CTNNA3: variants seen among roughly 807,000 people sequenced by gnomAD.
CTNNA3 encodes the protein catenin alpha 3, also known as catenin alpha-3.
CTNNA3 carries 76 observed loss-of-function variants against 95.7 expected under a neutral mutation model. The ratio of observed to expected loss-of-function variants is 0.79; its 90% CI spans 0.66 to 0.96. The LOEUF is 0.96. Ranked by LOEUF, CTNNA3 falls within the 40% of genes least tolerant of loss-of-function variation. CTNNA3 has a pLI of 0.00. For synonymous variants in CTNNA3, 431 were observed against 374.4 expected (o/e 1.15, Z -1.74); for missense variants, 1,191 against 1,089.8 (o/e 1.09, Z -1.31).
At chr10:66,199,721 C>T (rs553981837) in intron 13 of CTNNA3, among the ~76,000 whole-genome samples, 9 of 133,204 alleles carry the variant, frequency 6.8e-5, no homozygotes, top group African/African-American at 2.4e-4. Flanking sequence ...CCTGCCTCAG[C>T]CTCCTGATTA....
intron 7 of CTNNA3, among the ~76,000 whole-genome samples, chr10:66,950,455 A>T (rs2132718283): frequency 6.6e-6 from 1 of 152,234 alleles, no homozygotes. Context: ...TGAATACATG[A>T]ATGTCACACT....
chr10:66,368,546 T>C (rs117675576), intron 12 of CTNNA3, among the ~76,000 whole-genome samples: 5,474 of 152,246 alleles, frequency 0.036, 127 homozygotes, highest in Non-Finnish European at 0.05. Flanking sequence ...AGTTTACTCT[T>C]GTGTTAGCTT....
intron 7 of CTNNA3, among the ~76,000 whole-genome samples, chr10:67,052,880 G>A (rs893459442): frequency 1.3e-4 from 20 of 151,958 alleles, no homozygotes; most frequent in African/African-American, 3.9e-4. Flanking sequence ...TGTAAGTTTC[G>A]TAAATTCTAA....
intron 10 of CTNNA3, among the ~76,000 whole-genome samples, chr10:66,597,483 C>T (rs1354209665): frequency 2.4e-5 from 3 of 126,302 alleles, no homozygotes; most frequent in Non-Finnish European, 4.8e-5. Flanking sequence ...TAAAGGTCAG[C>T]CTGGTCAACA....
intron 7 of CTNNA3, among the ~76,000 whole-genome samples, chr10:66,972,294 A>T (rs895429627): frequency 2.6e-5 from 4 of 152,138 alleles, no homozygotes; most frequent in Admixed American, 1.3e-4. Flanking sequence ...TAATCAGCTC[A>T]AAATTTATTA....
At chr10:67,003,408 G>A (rs1205091591) in intron 7 of CTNNA3, among the ~76,000 whole-genome samples, 3 of 152,074 alleles carry the variant, frequency 2.0e-5, no homozygotes, top group African/African-American at 7.2e-5. Flanking sequence ...CCCATAGTAT[G>A]TTCCAAGTAT....
At chr10:66,360,212 A>C (rs1229826862) in intron 12 of CTNNA3, among the ~76,000 whole-genome samples, 2 of 151,322 alleles carry the variant, frequency 1.3e-5, no homozygotes, top group South Asian at 2.1e-4. Context: ...TTTTTTTTAA[A>C]CTCAGTCAAT....
intron 10 of CTNNA3, among the ~76,000 whole-genome samples, chr10:66,533,018 G>C (rs1274236906): frequency 6.6e-6 from 1 of 152,028 alleles, no homozygotes. Context: ...TGACAACTGA[G>C]GTAGCTTTAG....
At chr10:66,376,940 T>G (rs905139839) in intron 12 of CTNNA3, among the ~76,000 whole-genome samples, 1 of 152,150 alleles carries the variant, frequency 6.6e-6, no homozygotes, top group Non-Finnish European at 1.5e-5. Context: ...GATAGAGTAG[T>G]GGGAAGTATC....
At chr10:67,683,703 A>G (rs10823077) in intron 1 of CTNNA3, among the ~76,000 whole-genome samples, 35,852 of 152,038 alleles carry the variant, frequency 0.24, 5,046 homozygotes, top group East Asian at 0.51. Flanking sequence ...ACGAAGCCAC[A>G]GACACTCGTG....
intron 11 of CTNNA3, among the ~76,000 whole-genome samples, chr10:66,388,087 A>T (rs1443885943): frequency 1.3e-5 from 2 of 152,182 alleles, no homozygotes; most frequent in African/African-American, 4.8e-5. Flanking sequence ...TAGAAATTAA[A>T]GTATAGTAGT....
At chr10:66,227,225 T>C (rs2089342322) in intron 13 of CTNNA3, among the ~76,000 whole-genome samples, 1 of 152,136 alleles carries the variant, frequency 6.6e-6, no homozygotes, top group Non-Finnish European at 1.5e-5. Context: ...CTATGTTAAA[T>C]AAGAGTGGTG....
chr10:67,546,616 C>T (rs552317496), intron 3 of CTNNA3, among the ~76,000 whole-genome samples: 1 of 152,212 alleles, frequency 6.6e-6, no homozygotes, highest in African/African-American at 2.4e-5. Context: ...GGATTTATAA[C>T]TTAAATAAAT....
chr10:67,717,409 T>G (rs1233661990), intron 1 of CTNNA3, among the ~76,000 whole-genome samples: 1 of 152,206 alleles, frequency 6.6e-6, no homozygotes, highest in Non-Finnish European at 1.5e-5. Context: ...ATGTCCTGAA[T>G]GGTATTGCCT....
intron 6 of CTNNA3, among the ~76,000 whole-genome samples, chr10:67,197,690 C>T (rs1351563225): frequency 6.6e-6 from 1 of 152,036 alleles, no homozygotes; most frequent in Non-Finnish European, 1.5e-5. Flanking sequence ...AAATTACAAC[C>T]AACTAAAGAT....
chr10:67,319,871 G>C lies in CTNNA3; in HGVS notation c.580-100001C>G, dbSNP rs537082852. Among the ~76,000 whole-genome samples, 330 of 148,542 alleles carry C rather than the reference G, an allele frequency of 2.2e-3. 3 individuals carry two copies. Among genetic ancestry groups the C allele is most frequent in the African/African-American group, 7.9e-3 (315 of 39,958 alleles). ...AGACTGCTCCACTGCACTCCAGCCTGGGTGACAAGAGCGAGACTCAGTCTC... is the reference window on the plus strand; with the variant it reads ...AGACTGCTCCACTGCACTCCAGCCTCGGTGACAAGAGCGAGACTCAGTCTC... On this transcript the variant is annotated intron_variant, in intron 5 of 17. Transcript: ENST00000433211.
rs1429980880 is a variant in CTNNA3 at position 67,235,683 on chromosome 10, G to A, written c.580-15813C>T. Among the ~76,000 whole-genome samples, 3 of 142,656 alleles carry A rather than the reference G, an allele frequency of 2.1e-5. 1 individual carries two copies. Among genetic ancestry groups the A allele is most frequent in the Non-Finnish European group, 4.6e-5 (3 of 65,720 alleles). The allele number at this position is 142,656 out of a possible 152,430, so 93.6% of individuals were successfully genotyped here. On this transcript the variant is annotated intron_variant, in intron 5 of 17. Transcript: ENST00000433211. ...ACAAATGGGATCTAATTAAACTAAAGAGCTTCTGCACAGCAAAAGAAACTA... is the reference window on the plus strand; with the variant it reads ...ACAAATGGGATCTAATTAAACTAAAAAGCTTCTGCACAGCAAAAGAAACTA...
chr10:66,918,450 C>T (rs1846607490), intron 7 of CTNNA3, among the ~76,000 whole-genome samples: 1 of 152,086 alleles, frequency 6.6e-6, no homozygotes, highest in Non-Finnish European at 1.5e-5. Context: ...TGAATAGATG[C>T]CCCAAATATC....
chr10:67,462,395 C>T (rs928496738), intron 5 of CTNNA3, among the ~76,000 whole-genome samples: 23 of 152,166 alleles, frequency 1.5e-4, no homozygotes, highest in African/African-American at 5.3e-4. Context: ...AAAACACTCA[C>T]AGTTATCTGA....
Sources: allele counts gnomAD v4.1 joint callset (sites outside exome capture counted in the v4.1 genomes callset), GRCh38; gene constraint gnomAD v4.1.1; transcripts MANE v1.5; gene names NCBI Gene and HGNC (gene_info 2026-07-23, HGNC 2026-07-21).